The following TAMM41 variants were observed in gnomAD, a reference collection of about 807,000 sequenced individuals.
TAMM41 encodes the protein TAM41 mitochondrial translocator assembly and maintenance homolog, also known as phosphatidate cytidylyltransferase, mitochondrial.
TAMM41 carries 36 observed loss-of-function variants against 44.1 expected under a neutral mutation model. The ratio of observed to expected loss-of-function variants is 0.82; its 90% confidence interval spans 0.63 to 1.08. The LOEUF is 1.08. Among genes scored for constraint, TAMM41 ranks in the 50% least tolerant of loss-of-function variants. The probability of loss-of-function intolerance (pLI) is 0.00; values close to 1 mark genes in which losing one functional copy is unlikely to be tolerated. For synonymous variants in TAMM41, 164 were observed against 153.1 expected (o/e 1.07, Z -0.53); for missense variants, 417 against 404.3 (o/e 1.03, Z -0.27).
At chr3:11,798,502 G>A (rs1029838907) in intron 7 of TAMM41, among the ~76,000 whole-genome samples, 19 of 152,284 alleles carry the variant, frequency 1.2e-4, no homozygotes, top group African/African-American at 1.7e-4. Flanking sequence ...ATACTGATGG[G>A]TGAAGGATGG....
the TAMM41 span, among the ~76,000 whole-genome samples, chr3:11,741,936 A>G: frequency 2.0e-4 from 30 of 150,374 alleles, 4 homozygotes; most frequent in African/African-American, 6.5e-4. Context: ...GATATGCTGG[A>G]CAAAGGGATT....
chr3:11,806,094 G>A (rs764115082), intron 7 of TAMM41, among the ~76,000 whole-genome samples: 1 of 152,182 alleles, frequency 6.6e-6, no homozygotes, highest in Non-Finnish European at 1.5e-5. Flanking sequence ...ATGATTCTGA[G>A]ACACCCCCAG....
the TAMM41 span, among the ~76,000 whole-genome samples, chr3:11,724,446 C>T: frequency 8.7e-5 from 13 of 148,836 alleles, no homozygotes; most frequent in East Asian, 1.0e-3. Context: ...GACAGAGTCT[C>T]GCTCTCTCAC....
intron 4 of TAMM41, among the ~76,000 whole-genome samples, chr3:11,822,589 A>G (rs1227811123): frequency 6.6e-6 from 1 of 152,180 alleles, no homozygotes; most frequent in Non-Finnish European, 1.5e-5. Flanking sequence ...GATCTAATCT[A>G]CTTTCTTGCC....
the TAMM41 span, among the ~76,000 whole-genome samples, chr3:11,777,246 C>G: frequency 6.6e-6 from 1 of 152,036 alleles, no homozygotes. Context: ...ACCTTAAATA[C>G]ATATAATTTT....
chr3:11,836,263 T>C (rs2079171252), intron 3 of TAMM41, among the ~76,000 whole-genome samples: 1 of 152,120 alleles, frequency 6.6e-6, no homozygotes. Context: ...AGTGCTGGGA[T>C]TACAGGCATG....
At chr3:11,804,354 A>G (rs759920397) in intron 7 of TAMM41, among the ~76,000 whole-genome samples, 6 of 152,184 alleles carry the variant, frequency 3.9e-5, no homozygotes, top group Non-Finnish European at 8.8e-5. Flanking sequence ...TTGACAATAT[A>G]TCAGCTCATG....
intron 4 of TAMM41, among the ~76,000 whole-genome samples, chr3:11,819,856 G>T (rs1178944570): frequency 1.3e-4 from 19 of 151,982 alleles, no homozygotes; most frequent in Non-Finnish European, 2.8e-4. Context: ...GTGGGTTTTT[G>T]CATGTGTGCT....
intron 5 of TAMM41, 69 bp downstream of exon 5, chr3:11,817,123 C>T (rs1559291858): frequency 1.3e-6 from 2 of 1,517,662 alleles, no homozygotes; most frequent in East Asian, 2.3e-5. Context: ...GCTGTTCTAC[C>T]CCTGACTTTC....
chr3:11,795,292 C>T (rs2077577670), intron 7 of TAMM41, among the ~76,000 whole-genome samples: 1 of 152,200 alleles, frequency 6.6e-6, no homozygotes, highest in Admixed American at 6.5e-5. Flanking sequence ...TTAAACTCAT[C>T]ATCCTCGCCC....
intron 7 of TAMM41, among the ~76,000 whole-genome samples, chr3:11,795,905 G>C (rs1403375619): frequency 6.6e-6 from 1 of 152,158 alleles, no homozygotes; most frequent in Non-Finnish European, 1.5e-5. Flanking sequence ...ATAGTCTTTT[G>C]GTACTCCTAA....
At chr3:11,740,045 T>C in the TAMM41 span, among the ~76,000 whole-genome samples, 1 of 152,046 alleles carries the variant, frequency 6.6e-6, no homozygotes, top group Non-Finnish European at 1.5e-5. Context: ...TAAAATTACT[T>C]TTTTGGAGAC....
chr3:11,841,733 C>A (rs1236827041), intron 2 of TAMM41, among the ~76,000 whole-genome samples: 2 of 152,138 alleles, frequency 1.3e-5, no homozygotes, highest in African/African-American at 4.8e-5. Flanking sequence ...AGCCTTTTCC[C>A]CCCAACTCCA....
At chr3:11,846,087 C>T (rs2079672610) in intron 1 of TAMM41, among the ~76,000 whole-genome samples, 1 of 152,246 alleles carries the variant, frequency 6.6e-6, no homozygotes, top group Non-Finnish European at 1.5e-5. Context: ...TCTTAAATTC[C>T]TGAAGCCCAG....
chr3:11,748,717 A>C, the TAMM41 span, among the ~76,000 whole-genome samples: 1 of 152,020 alleles, frequency 6.6e-6, no homozygotes. Context: ...GAAATAACAG[A>C]GAAGGAAAAG....
the TAMM41 span, among the ~76,000 whole-genome samples, chr3:11,784,113 G>A: frequency 6.6e-6 from 1 of 152,176 alleles, no homozygotes; most frequent in East Asian, 1.9e-4. Context: ...ACCAGGTAAG[G>A]AACTCTGCCC....
chr3:11,788,241 G>C (rs1050900884), downstream of TAMM41, among the ~76,000 whole-genome samples: 4 of 152,198 alleles, frequency 2.6e-5, no homozygotes, highest in Non-Finnish European at 5.9e-5. Flanking sequence ...ACAGAGGACA[G>C]AAGTTAAAGT....
the TAMM41 span, among the ~76,000 whole-genome samples, chr3:11,725,169 CTTGT>C: frequency 7.7e-6 from 1 of 130,388 alleles, no homozygotes. Flanking sequence ...CTCCTCCCTC[CTTGT>C]TCTCTTCCCT....
At chr3:11,766,619 G>A in the TAMM41 span, among the ~76,000 whole-genome samples, 2 of 152,012 alleles carry the variant, frequency 1.3e-5, no homozygotes, top group Admixed American at 6.6e-5. Flanking sequence ...TCAGGCTGGA[G>A]TGTTGTGGGT....
Sources: gnomAD v4.1 joint callset for allele counts (sites outside exome capture counted in the v4.1 genomes callset) on GRCh38, gnomAD v4.1.1 for gene constraint, MANE v1.5 for transcripts, NCBI Gene and HGNC (gene_info 2026-07-23, HGNC 2026-07-21) for gene names.